The following CENPU variants were observed in gnomAD, a reference collection of about 807,000 sequenced individuals.
CENPU encodes KSHV latent nuclear antigen interacting protein 1.
A neutral mutation model predicts 56.7 loss-of-function variants in CENPU; 46 were observed. That is an observed-to-expected ratio of 0.81 (90% CI 0.64 to 1.04). The LOEUF is 1.04. Ranked by LOEUF, CENPU falls within the 50% of genes least tolerant of loss-of-function variation. The pLI, the probability that CENPU is intolerant of heterozygous loss-of-function variation, is 0.00. For synonymous variants in CENPU, 166 were observed against 163.0 expected (o/e 1.02, Z -0.14); for missense variants, 510 against 490.1 (o/e 1.04, Z -0.38).
At chr4:184,713,064 A>C (rs28661636) in intron 6 of CENPU, 51 bp from the exon 7 acceptor site, 167,956 of 1,201,208 alleles carry the variant, frequency 0.14, 12,839 homozygotes, top group African/African-American at 0.26. Context: ...CTTTCTCTTA[A>C]AACATTAGGA....
intron 4 of CENPU, among the ~76,000 whole-genome samples, chr4:184,718,713 A>T (rs984911261): frequency 4.6e-5 from 7 of 152,220 alleles, no homozygotes; most frequent in African/African-American, 1.4e-4. Context: ...GGCCAGAAAA[A>T]TAGGACTGGC....
intron 6 of CENPU, chr4:184,714,028 T>C (rs1761010197): frequency 6.6e-6 from 1 of 151,994 alleles, no homozygotes; most frequent in Non-Finnish European, 1.5e-5. Flanking sequence ...CAAGCAGCAA[T>C]GGGGGCACAG....
intron 1 of CENPU, among the ~76,000 whole-genome samples, chr4:184,732,985 C>CAAA (rs56015944): frequency 1.3e-3 from 150 of 114,846 alleles, no homozygotes; most frequent in African/African-American, 4.6e-3. Context: ...GACTCCGTCT[C>CAAA]AAAAAAAAAA....
chr4:184,732,351 C>G (rs1314411429), intron 1 of CENPU, among the ~76,000 whole-genome samples: 1 of 152,150 alleles, frequency 6.6e-6, no homozygotes, highest in Non-Finnish European at 1.5e-5. Context: ...GGCACCACCC[C>G]AGGAGTGTCT....
At chr4:184,705,449 A>AG (rs1320777496) in intron 8 of CENPU, among the ~76,000 whole-genome samples, 2 of 150,124 alleles carry the variant, frequency 1.3e-5, no homozygotes, top group Admixed American at 6.6e-5. Flanking sequence ...ACATGAAGAC[A>AG]GCGGGGGCAC....
chr4:184,701,170 T>C (rs1226317510), intron 10 of CENPU, among the ~76,000 whole-genome samples: 1 of 152,152 alleles, frequency 6.6e-6, no homozygotes, highest in African/African-American at 2.4e-5. Flanking sequence ...CCCTGTGACC[T>C]GTAAAGTGAG....
Position 184,734,037 on chromosome 4 carries a change from G to GCC in CENPU, c.25_26insGG (p.Pro9ArgfsTer17), listed in dbSNP as rs1761753609. On this transcript the variant is annotated frameshift_variant, in exon 1 of 13. Transcript: ENST00000281453. LOFTEE classifies it high-confidence loss of function. ...TTACCCCTCAGACCTGTGAGGCCGCGGCCGCCGCCGCCCCCGCGGGGCCAT... is the reference window on the plus strand; with the variant it reads ...TTACCCCTCAGACCTGTGAGGCCGCGCCGCCGCCGCCGCCCCCGCGGGGCCAT... 9 of 1,580,164 alleles carry GCC rather than the reference G, an allele frequency of 5.7e-6. No individual in the cohort carries two copies. In the East Asian group the frequency reaches 1.2e-4, roughly 21 times the overall value.
At chr4:184,707,600 T>C (rs1197208294) in intron 8 of CENPU, among the ~76,000 whole-genome samples, 2 of 152,292 alleles carry the variant, frequency 1.3e-5, no homozygotes, top group Non-Finnish European at 2.9e-5. Flanking sequence ...CCTGACAGGC[T>C]GTTTTGTGAG....
chr4:184,698,029 CAGA>C (rs1760400164), intron 11 of CENPU: 1 of 459,238 alleles, frequency 2.2e-6, no homozygotes. Flanking sequence ...GTGATATCCA[CAGA>C]AGAATATTCC....
At chr4:184,731,262 G>A (rs1368394015) in intron 1 of CENPU, among the ~76,000 whole-genome samples, 2 of 152,168 alleles carry the variant, frequency 1.3e-5, no homozygotes, top group Non-Finnish European at 1.5e-5. Flanking sequence ...GTAGGCTAAC[G>A]CTAAGCCCCG....
At chr4:184,730,372 G>C (rs1453340414) in intron 2 of CENPU, among the ~76,000 whole-genome samples, 1 of 151,882 alleles carries the variant, frequency 6.6e-6, no homozygotes, top group African/African-American at 2.4e-5. Context: ...GCAGGACAGA[G>C]AAAGCCCAGG....
At chr4:184,718,161 A>C (rs923678955) in intron 4 of CENPU, among the ~76,000 whole-genome samples, 5 of 152,334 alleles carry the variant, frequency 3.3e-5, no homozygotes, top group African/African-American at 1.2e-4. Flanking sequence ...AGCTGGGCAG[A>C]GGCCACAGCT....
rs546647528 is a variant in CENPU, at chr4:184,717,145, A to C, written c.372T>G (p.Ser124Arg). The change falls in exon 5 of 13, where the codon AGT becomes AGG. Residue 124 changes from serine to arginine, a missense_variant. Coordinates refer to ENST00000281453, the MANE Select transcript of CENPU (RefSeq NM_024629.4). ...EASEIESVKI[S>R]AKKPGRKLRP... ...GAATACTCCTACATACCTTTTTTGC[A>C]CTAATTTTTACAGATTCGATTTCAC... 1 of 1,609,716 alleles carries C rather than the reference A, an allele frequency of 6.2e-7. No individual in the cohort carries two copies. The highest frequency in any genetic ancestry group is 1.8e-4 in the Middle Eastern group (1 of 5,612).
At chr4:184,721,915 G>C (rs527449299) in intron 4 of CENPU, among the ~76,000 whole-genome samples, 1 of 152,298 alleles carries the variant, frequency 6.6e-6, no homozygotes, top group South Asian at 2.1e-4. Flanking sequence ...GATATTTACA[G>C]AACATTTCAT....
chr4:184,721,301 T>G (rs1761265627), intron 4 of CENPU, among the ~76,000 whole-genome samples: 1 of 151,656 alleles, frequency 6.6e-6, no homozygotes, highest in Non-Finnish European at 1.5e-5. Flanking sequence ...AAATCACCTT[T>G]ACTAAAAGGA....
chr4:184,706,670 T>C (rs977328014), intron 8 of CENPU, among the ~76,000 whole-genome samples: 1 of 152,198 alleles, frequency 6.6e-6, no homozygotes, highest in African/African-American at 2.4e-5. Context: ...CCTTAAACAG[T>C]TGTTGACTTA....
intron 11 of CENPU, among the ~76,000 whole-genome samples, chr4:184,698,954 G>T (rs1107907): frequency 0.36 from 54,281 of 151,806 alleles, 10,201 homozygotes; most frequent in East Asian, 0.71. Flanking sequence ...TATACCATAG[G>T]TTTTTTTATT....
chr4:184,696,220 C>T (rs1157738416), intron 12 of CENPU, among the ~76,000 whole-genome samples: 4 of 152,186 alleles, frequency 2.6e-5, no homozygotes, highest in Non-Finnish European at 4.4e-5. Flanking sequence ...TGTGTTCAAG[C>T]TCCCATGGGC....
chr4:184,713,475 G>A (rs982676141), intron 6 of CENPU, among the ~76,000 whole-genome samples: 4 of 152,172 alleles, frequency 2.6e-5, no homozygotes, highest in Non-Finnish European at 4.4e-5. Context: ...GTAATACAAG[G>A]AAGCATTGCA....
Sources: gnomAD v4.1 joint callset for allele counts (sites outside exome capture counted in the v4.1 genomes callset) on GRCh38, gnomAD v4.1.1 for gene constraint, MANE v1.5 for transcripts, NCBI Gene and HGNC (gene_info 2026-07-23, HGNC 2026-07-21) for gene names.